GALNTL6: variants seen among roughly 807,000 people sequenced by gnomAD.
GALNTL6 encodes the protein polypeptide N-acetylgalactosaminyltransferase like 6.
In GALNTL6, 46 loss-of-function variants were observed where a neutral mutation model predicts 73.7. The observed-to-expected ratio is 0.62, with a 90% CI of 0.49 to 0.80. The LOEUF (loss-of-function observed/expected upper bound fraction) is 0.80, where lower values mean the gene tolerates loss of function less well. Among genes scored for constraint, GALNTL6 ranks in the 30% least tolerant of loss-of-function variants. The pLI, the probability that GALNTL6 is intolerant of heterozygous loss-of-function variation, is 0.00. For synonymous variants in GALNTL6, 259 were observed against 263.7 expected (o/e 0.98, Z 0.17); for missense variants, 604 against 755.0 (o/e 0.80, Z 2.34).
chr4:172,522,436 T>C (rs1365751567), intron 5 of GALNTL6, among the ~76,000 whole-genome samples: 2 of 152,132 alleles, frequency 1.3e-5, no homozygotes, highest in East Asian at 1.9e-4. Flanking sequence ...TTTGGGAGGC[T>C]GAAGGGGGCG....
intron 5 of GALNTL6, among the ~76,000 whole-genome samples, chr4:172,388,798 C>CAT (rs1225513403): frequency 6.6e-6 from 1 of 152,050 alleles, no homozygotes; most frequent in African/African-American, 2.4e-5. Context: ...TTTATGCACA[C>CAT]TGTATTTAGT....
intron 5 of GALNTL6, among the ~76,000 whole-genome samples, chr4:172,676,943 A>G (rs754948289): frequency 9.2e-5 from 14 of 152,186 alleles, no homozygotes; most frequent in Non-Finnish European, 1.8e-4. Context: ...CTTGCTTTTT[A>G]TAGCCAGTAG....
chr4:171,895,181 C>T (rs1736872481), intron 2 of GALNTL6, among the ~76,000 whole-genome samples: 1 of 152,156 alleles, frequency 6.6e-6, no homozygotes, highest in Non-Finnish European at 1.5e-5. Context: ...CTTGAAGCAG[C>T]TACTAGAATT....
intron 8 of GALNTL6, among the ~76,000 whole-genome samples, chr4:172,926,262 C>T (rs905742701): frequency 9.2e-5 from 14 of 152,148 alleles, no homozygotes; most frequent in Non-Finnish European, 1.5e-4. Context: ...ACCCTCATAA[C>T]TTAATCACCT....
intron 2 of GALNTL6, among the ~76,000 whole-genome samples, chr4:171,915,310 T>A (rs776053960): frequency 1.8e-4 from 28 of 152,284 alleles, no homozygotes; most frequent in Non-Finnish European, 3.2e-4. Context: ...GTATACATAT[T>A]GTCTGTAGTT....
chr4:172,815,187 T>C (rs987213557), intron 7 of GALNTL6, among the ~76,000 whole-genome samples: 2 of 152,188 alleles, frequency 1.3e-5, no homozygotes, highest in Non-Finnish European at 2.9e-5. Flanking sequence ...ATATGTTAAT[T>C]AGCTTGATTT....
At chr4:172,513,395 G>A (rs560665031) in intron 5 of GALNTL6, among the ~76,000 whole-genome samples, 2 of 151,962 alleles carry the variant, frequency 1.3e-5, no homozygotes, top group South Asian at 2.1e-4. Context: ...CTTAATAATC[G>A]AACTTCTGAA....
At chr4:172,187,749 G>A (rs1446786499) in intron 2 of GALNTL6, among the ~76,000 whole-genome samples, 2 of 151,994 alleles carry the variant, frequency 1.3e-5, no homozygotes, top group African/African-American at 2.4e-5. Flanking sequence ...CCTTAATAGG[G>A]ATAATGAATT....
At chr4:171,916,485 T>C (rs1427832725) in intron 2 of GALNTL6, among the ~76,000 whole-genome samples, 2 of 152,136 alleles carry the variant, frequency 1.3e-5, no homozygotes, top group East Asian at 3.9e-4. Flanking sequence ...TCATTTTCCT[T>C]GAATGATGAA....
At chr4:172,824,498 GTA>G (rs771298717) in intron 7 of GALNTL6, among the ~76,000 whole-genome samples, 1 of 151,874 alleles carries the variant, frequency 6.6e-6, no homozygotes, top group East Asian at 1.9e-4. Flanking sequence ...GTGTATGTGA[GTA>G]TATATATTAT....
chr4:172,762,618 T>C (rs1235686510), intron 5 of GALNTL6, among the ~76,000 whole-genome samples: 1 of 152,154 alleles, frequency 6.6e-6, no homozygotes, highest in Non-Finnish European at 1.5e-5. Flanking sequence ...TTTAACATGA[T>C]ATTCTGATTT....
At chr4:172,691,702 C>T (rs921581184) in intron 5 of GALNTL6, among the ~76,000 whole-genome samples, 7 of 152,334 alleles carry the variant, frequency 4.6e-5, no homozygotes, top group Middle Eastern at 3.4e-3. Context: ...TCTTCCTCTA[C>T]ATCTCAGCAG....
chr4:172,201,781 T>A (rs1735965593), intron 2 of GALNTL6, among the ~76,000 whole-genome samples: 1 of 152,178 alleles, frequency 6.6e-6, no homozygotes, highest in African/African-American at 2.4e-5. Flanking sequence ...AGTGCCTTAA[T>A]TGTGCTGGTA....
At chr4:172,133,362 A>G (rs762935385) in intron 2 of GALNTL6, among the ~76,000 whole-genome samples, 2 of 152,206 alleles carry the variant, frequency 1.3e-5, no homozygotes, top group Admixed American at 6.5e-5. Context: ...TGTTCCATCT[A>G]TGTAGAAATT....
At chr4:171,823,760 A>C (rs1734745760) in intron 2 of GALNTL6, among the ~76,000 whole-genome samples, 1 of 151,628 alleles carries the variant, frequency 6.6e-6, no homozygotes, top group Non-Finnish European at 1.5e-5. Flanking sequence ...CTACCTGTCA[A>C]CATAAATGCT....
chr4:173,027,263 G>A (rs925121103), intron 12 of GALNTL6, among the ~76,000 whole-genome samples: 1 of 152,174 alleles, frequency 6.6e-6, no homozygotes, highest in Admixed American at 6.5e-5. Context: ...GATTACAGGC[G>A]TGAGCCACCG....
At chr4:171,934,207 C>G (rs546199419) in intron 2 of GALNTL6, among the ~76,000 whole-genome samples, 66 of 152,216 alleles carry the variant, frequency 4.3e-4, no homozygotes, top group African/African-American at 1.6e-3. Context: ...TACAGCATTG[C>G]TCTCATCTGT....
At chr4:172,607,350 T>G (rs868023527) in intron 5 of GALNTL6, among the ~76,000 whole-genome samples, 9 of 152,146 alleles carry the variant, frequency 5.9e-5, no homozygotes, top group African/African-American at 1.7e-4. Context: ...TGTGTTCATG[T>G]GTACTCAATG....
intron 2 of GALNTL6, among the ~76,000 whole-genome samples, chr4:172,050,522 C>T (rs144589118): frequency 0.012 from 1,804 of 152,170 alleles, 17 homozygotes; most frequent in Middle Eastern, 0.031. Context: ...TTCCTCCAGG[C>T]CCTTCAGGAA....
Sources: gnomAD v4.1 joint callset for allele counts (sites outside exome capture counted in the v4.1 genomes callset) on GRCh38, gnomAD v4.1.1 for gene constraint, MANE v1.5 for transcripts, NCBI Gene and HGNC (gene_info 2026-07-23, HGNC 2026-07-21) for gene names.